Variants in SH2D4A observed in about 807,000 individuals in gnomAD.
SH2D4A encodes SH2 domain-containing protein 4A.
SH2D4A carries 70 observed loss-of-function variants against 64.7 expected under a neutral mutation model. The observed-to-expected ratio is 1.08, with a 90% confidence interval of 0.89 to 1.32. The LOEUF (loss-of-function observed/expected upper bound fraction) is 1.32, where lower values mean the gene tolerates loss of function less well. SH2D4A is among the 40% of genes most tolerant of loss of function. The pLI, the probability that SH2D4A is intolerant of heterozygous loss-of-function variation, is 0.00. For missense variants in SH2D4A, 706 were observed against 540.1 expected, an observed-to-expected ratio of 1.31 and a Z score of -3.04; for synonymous variants, 268 against 200.7, an observed-to-expected ratio of 1.34 and a Z score of -2.83.
At position 19,362,145 on chromosome 8, in the gene SH2D4A, A is replaced by C. The variant is rs138760399; in HGVS notation, c.706+831A>C. ...TATATTTGCAGGATGTTGAGATCCT[A>C]CATTGATCTGCAGTCCCATTACAAC... is the stretch of plus-strand genomic sequence containing the variant. On this transcript the variant is annotated intron_variant, in intron 6 of 9. Coordinates refer to ENST00000265807, the MANE Select transcript of SH2D4A (RefSeq NM_022071.4). Among the ~76,000 whole-genome samples the C allele has an allele frequency of 9.6e-4, 146 of 152,342 alleles. 1 individual carries two copies. Among genetic ancestry groups the C allele is most frequent in the African/African-American group, 3.3e-3 (137 of 41,586 alleles).
At chr8:19,375,984 G>A (rs1365310955) in intron 8 of SH2D4A, among the ~76,000 whole-genome samples, 1 of 151,956 alleles carries the variant, frequency 6.6e-6, no homozygotes, top group East Asian at 1.9e-4. Context: ...TACCTGCCTC[G>A]GTCACCTCTC....
At chr8:19,379,081 A>G (rs560858142) in intron 8 of SH2D4A, among the ~76,000 whole-genome samples, 33 of 151,442 alleles carry the variant, frequency 2.2e-4, no homozygotes, top group Non-Finnish European at 4.0e-4. Flanking sequence ...CCTTAAAAAA[A>G]AAAAAAAAAA....
intron 2 of SH2D4A, among the ~76,000 whole-genome samples, chr8:19,320,010 G>T (rs2052161206): frequency 6.6e-6 from 1 of 151,976 alleles, no homozygotes; most frequent in South Asian, 2.1e-4. Flanking sequence ...TTGATTTGAG[G>T]GGTATTAAGA....
intron 7 of SH2D4A, 70 bp from the exon 8 acceptor site, chr8:19,373,459 TA>T: frequency 1.0e-6 from 1 of 1,000,840 alleles, no homozygotes. Flanking sequence ...TATATATATA[TA>T]TATATGACTT....
At chr8:19,385,249 A>T (rs1425850911) in intron 8 of SH2D4A, among the ~76,000 whole-genome samples, 2 of 148,082 alleles carry the variant, frequency 1.4e-5, no homozygotes, top group East Asian at 2.0e-4. Flanking sequence ...TTGCTCCACT[A>T]CCCAGGCTAG....
chr8:19,391,632 G>T (rs1390357813), intron 8 of SH2D4A, among the ~76,000 whole-genome samples: 3 of 152,206 alleles, frequency 2.0e-5, no homozygotes, highest in Non-Finnish European at 1.5e-5. Context: ...TCTGCAGTGG[G>T]ACACCTGGGG....
chr8:19,387,878 A>C (rs750314862), intron 8 of SH2D4A, among the ~76,000 whole-genome samples: 2 of 152,238 alleles, frequency 1.3e-5, no homozygotes, highest in Non-Finnish European at 2.9e-5. Flanking sequence ...AATAAGCCCT[A>C]GTTAATAAGC....
rs1275102421 is a variant in SH2D4A, at chr8:19,393,385, C to A, written c.1116C>A (p.Ile372=). The A allele has an allele frequency of 4.3e-6, 7 of 1,614,170 alleles. No homozygotes were observed. The highest frequency in any genetic ancestry group is 5.9e-6 in the Non-Finnish European group (7 of 1,180,012). Residue 372 remains isoleucine (I), a synonymous_variant, in exon 9 of 10, where the codon ATC becomes ATA. Coordinates refer to ENST00000265807, the MANE Select transcript of SH2D4A (RefSeq NM_022071.4). ...CAGGCATGCCCGGCAGTTTTCTCAT[C>A]CGAGTCAGTGAAAGGATCAAAGGCT... ...LSTGMPGSFL[I]RVSERIKGYA...
At chr8:19,317,164 A>G (rs1172387945) in intron 1 of SH2D4A, among the ~76,000 whole-genome samples, 1 of 152,128 alleles carries the variant, frequency 6.6e-6, no homozygotes, top group Non-Finnish European at 1.5e-5. Flanking sequence ...ACTTAAGGAC[A>G]TTTACTGGAA....
rs931160384 is a variant in SH2D4A, at chr8:19,319,859, G to A, written c.181+131G>A. The A allele has an allele frequency of 5.5e-6, 5 of 902,802 alleles. No individual in the cohort carries two copies. In the African/African-American group the frequency reaches 8.6e-5, roughly 15 times the overall value. The allele number at this position is 902,802 out of a possible 1,614,324, so 55.9% of individuals were successfully genotyped here. ...TGGCAGATGAATCCTAAATGTTATT[G>A]AGAATCTAATAGTGCAGTATGTCCA... On this transcript the variant is annotated intron_variant, in intron 2 of 9. Coordinates refer to ENST00000265807, the MANE Select transcript of SH2D4A (RefSeq NM_022071.4).
In SH2D4A at chr8:19,319,622, G is replaced by A. The variant is rs757292631; in HGVS notation, c.75G>A (p.Gln25=). The part of the protein sequence containing the change: ...LLAELSEEQK[Q]ILFFKMREEQ... ...CAGAGCTCAGCGAAGAACAGAAACA[G>A]ATCCTGTTCTTCAAGATGAGAGAGG... The change falls in exon 2 of 10, where the codon CAG becomes CAA. Residue 25 remains glutamine (Q), a synonymous_variant. Coordinates refer to ENST00000265807, the MANE Select transcript of SH2D4A (RefSeq NM_022071.4). 1.9e-6 allele frequency: 3 copies of A among 1,611,250 alleles called. No individual in the cohort carries two copies. Among genetic ancestry groups the A allele is most frequent in the Non-Finnish European group, 2.5e-6 (3 of 1,179,108 alleles).
chr8:19,356,356 T>G (rs967555520), intron 4 of SH2D4A, among the ~76,000 whole-genome samples: 1 of 152,200 alleles, frequency 6.6e-6, no homozygotes, highest in Admixed American at 6.5e-5. Flanking sequence ...GCTGAAATTT[T>G]AGTGACAATT....
intron 3 of SH2D4A, among the ~76,000 whole-genome samples, chr8:19,333,429 G>A (rs183477281): frequency 1.3e-5 from 2 of 152,136 alleles, no homozygotes; most frequent in Non-Finnish European, 2.9e-5. Flanking sequence ...CTGTATGAGT[G>A]TATGAGTTCC....
intron 4 of SH2D4A, among the ~76,000 whole-genome samples, chr8:19,335,420 G>A (rs189608731): frequency 1.0e-3 from 156 of 152,240 alleles, no homozygotes; most frequent in African/African-American, 3.4e-3. Context: ...ATGCAATTTG[G>A]CATTTTAAGA....
At chr8:19,353,270 T>C (rs1242433475) in intron 4 of SH2D4A, among the ~76,000 whole-genome samples, 1 of 152,146 alleles carries the variant, frequency 6.6e-6, no homozygotes, top group Non-Finnish European at 1.5e-5. Context: ...CTCTTCATCC[T>C]GCCTCTAGGA....
Position 19,334,701 on chromosome 8 carries a change from A to G in SH2D4A, c.357A>G (p.Glu119=), listed in dbSNP as rs749075055. 6 of 1,600,798 alleles carry G rather than the reference A, an allele frequency of 3.7e-6. No homozygotes were observed. The Admixed American group carries it at 7.1e-5, about 19-fold the overall frequency. Residue 119 remains glutamate (E), a synonymous_variant, in exon 4 of 10, where the codon GAA becomes GAG. Transcript: ENST00000265807. ...CTCTCTTCAGAAAAACTCACTCTGAAGAATTCACCAATAGCTTGAAAACAA... is the reference window on the plus strand; with the variant it reads ...CTCTCTTCAGAAAAACTCACTCTGAGGAATTCACCAATAGCTTGAAAACAA... ...EAEEPRKTHS[E]EFTNSLKTKS... is the part of the protein sequence containing the mutation.
At chr8:19,386,008 C>G (rs956118135) in intron 8 of SH2D4A, among the ~76,000 whole-genome samples, 3 of 152,190 alleles carry the variant, frequency 2.0e-5, no homozygotes, top group Non-Finnish European at 4.4e-5. Context: ...CACATATATC[C>G]TGCCTCATTT....
In SH2D4A at chr8:19,357,205, A is replaced by G. The variant is rs2052806147; in HGVS notation, c.516A>G (p.Ser172=). The G allele has an allele frequency of 1.9e-6, 3 of 1,612,040 alleles. No homozygotes were observed. The highest frequency in any genetic ancestry group is 2.7e-5 in the African/African-American group (2 of 74,968). ...APTLEEEKIR[S]LSSSSRNIQQ... ...AATGTGTTTCGTTTAATTTTTAGTC[A>G]CTCTCCAGTTCTTCAAGAAATATTC... Residue 172 remains serine (S), a splice_region_variant and synonymous_variant, in exon 5 of 10, where the codon TCA becomes TCG. Transcript: ENST00000265807.
At chr8:19,345,795 A>T (rs2052604549) in intron 4 of SH2D4A, among the ~76,000 whole-genome samples, 1 of 152,198 alleles carries the variant, frequency 6.6e-6, no homozygotes, top group East Asian at 1.9e-4. Flanking sequence ...AGTGTAACCC[A>T]AGTTATATCT....
Sources: allele counts gnomAD v4.1 joint callset (sites outside exome capture counted in the v4.1 genomes callset), GRCh38; gene constraint gnomAD v4.1.1; transcripts MANE v1.5; gene names NCBI Gene and HGNC (gene_info 2026-07-23, HGNC 2026-07-21).